GALNT13: variants seen among roughly 807,000 people sequenced by gnomAD.
The protein encoded by GALNT13 is polypeptide N-acetylgalactosaminyltransferase 13.
A neutral mutation model predicts 64.2 loss-of-function variants in GALNT13; 28 were observed. The ratio of observed to expected loss-of-function variants is 0.44; its 90% CI spans 0.32 to 0.60. The LOEUF (loss-of-function observed/expected upper bound fraction) is 0.60. GALNT13 is among the 20% of genes least tolerant of loss of function. GALNT13 has a pLI of 0.05. For synonymous variants in GALNT13, 214 were observed against 224.6 expected, an observed-to-expected ratio of 0.95 and a Z score of 0.42; for missense variants, 577 against 669.8, an observed-to-expected ratio of 0.86 and a Z score of 1.53.
At chr2:153,752,535 G>A in the GALNT13 span, among the ~76,000 whole-genome samples, 14 of 152,064 alleles carry the variant, frequency 9.2e-5, no homozygotes, top group Non-Finnish European at 1.9e-4. Context: ...AGCTTCTTTT[G>A]TCCTTCAGCA....
chr2:153,186,208 G>C, the GALNT13 span, among the ~76,000 whole-genome samples: 1 of 151,986 alleles, frequency 6.6e-6, no homozygotes. Flanking sequence ...TTACCATTAT[G>C]TCATGCCCTT....
At chr2:153,616,138 A>AT in the GALNT13 span, among the ~76,000 whole-genome samples, 5,752 of 146,750 alleles carry the variant, frequency 0.039, 175 homozygotes, top group Middle Eastern at 0.083. Context: ...GTCTAGTTTC[A>AT]TTTTTTTTTT....
chr2:153,326,516 G>T, the GALNT13 span, among the ~76,000 whole-genome samples: 1 of 152,080 alleles, frequency 6.6e-6, no homozygotes, highest in African/African-American at 2.4e-5. Context: ...GTGTGAATTT[G>T]ATCCTGTCAT....
intron 9 of GALNT13, among the ~76,000 whole-genome samples, chr2:154,390,816 A>AT (rs1191819412): frequency 1.3e-5 from 2 of 152,172 alleles, no homozygotes; most frequent in African/African-American, 4.8e-5. Flanking sequence ...TGCAAGTTCC[A>AT]TTGAAAGACT....
At chr2:153,073,062 C>T in the GALNT13 span, among the ~76,000 whole-genome samples, 1 of 151,112 alleles carries the variant, frequency 6.6e-6, no homozygotes, top group African/African-American at 2.4e-5. Flanking sequence ...GACACATGCT[C>T]TCATTTAATT....
chr2:153,541,745 TC>T, the GALNT13 span, among the ~76,000 whole-genome samples: 2 of 152,192 alleles, frequency 1.3e-5, no homozygotes, highest in Middle Eastern at 3.2e-3. Flanking sequence ...TTGCTTGGTT[TC>T]CCCACTCAGT....
chr2:153,403,666 A>G, the GALNT13 span, among the ~76,000 whole-genome samples: 4 of 152,310 alleles, frequency 2.6e-5, no homozygotes, highest in South Asian at 4.1e-4. Context: ...AAAGCACAGT[A>G]TTCGGGTGGG....
the GALNT13 span, among the ~76,000 whole-genome samples, chr2:153,381,305 CT>C: frequency 2.0e-5 from 3 of 151,752 alleles, no homozygotes; most frequent in South Asian, 2.1e-4. Flanking sequence ...GGAACAAAGC[CT>C]TTTTTTTCTC....
At chr2:153,372,982 T>G in the GALNT13 span, among the ~76,000 whole-genome samples, 1 of 152,216 alleles carries the variant, frequency 6.6e-6, no homozygotes, top group Non-Finnish European at 1.5e-5. Context: ...GCCATTTTTG[T>G]GGAGTTGCAT....
the GALNT13 span, among the ~76,000 whole-genome samples, chr2:153,428,522 T>C: frequency 2.6e-5 from 4 of 152,216 alleles, no homozygotes; most frequent in Admixed American, 2.0e-4. Flanking sequence ...GATCACATTT[T>C]AACATGAGAT....
the GALNT13 span, among the ~76,000 whole-genome samples, chr2:153,371,992 C>G: frequency 6.6e-6 from 1 of 152,246 alleles, no homozygotes; most frequent in Admixed American, 6.5e-5. Context: ...ATTTACTGGG[C>G]TTTTCTCTGG....
At chr2:154,046,921 A>G (rs940662372) in intron 3 of GALNT13, among the ~76,000 whole-genome samples, 6 of 122,440 alleles carry the variant, frequency 4.9e-5, no homozygotes, top group African/African-American at 1.9e-4. Context: ...TCTGTTGTTT[A>G]GGCCACTTAG....
chr2:153,909,154 A>G (rs1688778549), intron 2 of GALNT13, among the ~76,000 whole-genome samples: 1 of 151,942 alleles, frequency 6.6e-6, no homozygotes, highest in Admixed American at 6.6e-5. Flanking sequence ...ATTTTGTCAC[A>G]GTTGTGAATG....
chr2:153,695,979 G>A, the GALNT13 span, among the ~76,000 whole-genome samples: 133 of 152,094 alleles, frequency 8.7e-4, no homozygotes, highest in Non-Finnish European at 1.6e-3. Flanking sequence ...ATTAGTCAGG[G>A]TTCTCTAGAG....
At chr2:153,885,988 G>T (rs1237165515) in intron 1 of GALNT13, among the ~76,000 whole-genome samples, 2 of 151,742 alleles carry the variant, frequency 1.3e-5, no homozygotes, top group African/African-American at 4.8e-5. Flanking sequence ...AGCTTTCTAT[G>T]GATAGAAATG....
chr2:153,257,643 G>A, the GALNT13 span, among the ~76,000 whole-genome samples: 1 of 152,032 alleles, frequency 6.6e-6, no homozygotes. Flanking sequence ...TCTTTTTTGA[G>A]CTATTGGCAG....
intron 4 of GALNT13, among the ~76,000 whole-genome samples, chr2:154,227,158 G>A (rs1573914684): frequency 6.6e-6 from 1 of 152,148 alleles, no homozygotes; most frequent in Middle Eastern, 3.4e-3. Context: ...TCCAGTGTGT[G>A]TACTGCACAA....
chr2:154,142,828 G>C (rs1346279340), intron 4 of GALNT13, among the ~76,000 whole-genome samples: 1 of 151,630 alleles, frequency 6.6e-6, no homozygotes, highest in South Asian at 2.1e-4. Flanking sequence ...GCATATGTGT[G>C]TGTGTGTGTG....
chr2:153,859,856 C>G, the GALNT13 span, among the ~76,000 whole-genome samples: 2 of 152,096 alleles, frequency 1.3e-5, no homozygotes, highest in Admixed American at 6.6e-5. Context: ...ACCATACATT[C>G]AGCATTAATA....
Sources: gnomAD v4.1 joint callset for allele counts (sites outside exome capture counted in the v4.1 genomes callset) on GRCh38, gnomAD v4.1.1 for gene constraint, MANE v1.5 for transcripts, NCBI Gene and HGNC (gene_info 2026-07-23, HGNC 2026-07-21) for gene names.